The following GABRB2 variants were observed in gnomAD, a reference collection of about 807,000 sequenced individuals.
GABRB2 encodes gamma-aminobutyric acid type A receptor subunit beta2.
A neutral mutation model predicts 54.7 loss-of-function variants in GABRB2; 16 were observed. That is an observed-to-expected ratio of 0.29 (90% CI 0.20 to 0.44). The LOEUF (loss-of-function observed/expected upper bound fraction) is 0.44. Ranked by LOEUF, GABRB2 falls within the 20% of genes least tolerant of loss-of-function variation. The pLI, the probability that GABRB2 is intolerant of heterozygous loss-of-function variation, is 1.00. For missense variants in GABRB2, 355 were observed against 644.0 expected, an observed-to-expected ratio of 0.55 and a Z score of 4.86; for synonymous variants, 244 against 233.8, an observed-to-expected ratio of 1.04 and a Z score of -0.40.
chr5:161,323,798 T>C (rs997169777), intron 9 of GABRB2, among the ~76,000 whole-genome samples: 2 of 152,190 alleles, frequency 1.3e-5, no homozygotes, highest in Non-Finnish European at 2.9e-5. Context: ...ACTGTGTGTA[T>C]GTGTTTATAT....
Position 161,490,036 on chromosome 5 carries a change from C to T in GABRB2, c.238-30192G>A, listed in dbSNP as rs181115661. Reference sequence around the variant, plus strand: ...GTGCTGTAAGCATAGAAGCTGATCACTAGACTTCAGAGAAAAAAAAATCTG... The same window carrying T: ...GTGCTGTAAGCATAGAAGCTGATCATTAGACTTCAGAGAAAAAAAAATCTG... On this transcript the variant is annotated intron_variant, in intron 3 of 9. Coordinates refer to ENST00000393959, the MANE Select transcript of GABRB2 (RefSeq NM_001371727.1). Among the ~76,000 whole-genome samples the T allele has an allele frequency of 8.9e-4, 135 of 151,672 alleles. No individual in the cohort carries two copies. The Middle Eastern group carries it at 0.01, about 11-fold the overall frequency.
intron 5 of GABRB2, among the ~76,000 whole-genome samples, chr5:161,372,351 C>T (rs1296931439): frequency 6.6e-6 from 1 of 152,138 alleles, no homozygotes; most frequent in Non-Finnish European, 1.5e-5. Context: ...GAAGAATGTG[C>T]TCTTTTACTT....
At chr5:161,402,302 A>C (rs1465158470) in intron 5 of GABRB2, among the ~76,000 whole-genome samples, 1 of 152,274 alleles carries the variant, frequency 6.6e-6, no homozygotes, top group Admixed American at 6.5e-5. Context: ...AAAATAAGAT[A>C]TATGTGATAA....
intron 3 of GABRB2, among the ~76,000 whole-genome samples, chr5:161,537,308 T>C (rs1232777112): frequency 6.6e-6 from 1 of 152,208 alleles, no homozygotes; most frequent in Admixed American, 6.5e-5. Context: ...CTGACAATGC[T>C]CAGTTCGTCT....
intron 3 of GABRB2, among the ~76,000 whole-genome samples, chr5:161,463,555 T>TATATATATATA (rs1236064276): frequency 3.4e-4 from 8 of 23,684 alleles, no homozygotes; most frequent in Non-Finnish European, 4.3e-4. Flanking sequence ...ATATTTTTAT[T>TATATATATATA]TATATATATA....
upstream of GABRB2, chr5:161,546,797 T>C (rs1036481066): frequency 1.4e-5 from 19 of 1,405,720 alleles, no homozygotes; most frequent in Non-Finnish European, 1.7e-5. Context: ...GCAGATTTCC[T>C]TGTTTAAAAA....
Position 161,291,176 on chromosome 5 carries a change from CTG to C in GABRB2, c.*2903_*2904del, listed in dbSNP as rs1321993056. 2 of 152,446 alleles carry C rather than the reference CTG, an allele frequency of 1.3e-5. No individual in the cohort carries two copies. The highest frequency in any genetic ancestry group is 1.5e-5 in the Non-Finnish European group (1 of 67,984). The allele number at this position is 152,446 out of a possible 1,614,324, so 9.4% of individuals were successfully genotyped here. The stretch of plus-strand genomic sequence containing the variant: ...ATTGAGATCAAAGATTTCATGTAGA[CTG>C]TGCATTTTAGAGTCAGAATTTGTCC... On this transcript the variant is annotated 3_prime_UTR_variant, in exon 10 of 10. Transcript: ENST00000393959.
chr5:161,307,988 A>G (rs1757745790), intron 9 of GABRB2, among the ~76,000 whole-genome samples: 1 of 151,066 alleles, frequency 6.6e-6, no homozygotes, highest in African/African-American at 2.4e-5. Context: ...CCTCCTGAGT[A>G]GCTGGGACTA....
intron 3 of GABRB2, among the ~76,000 whole-genome samples, chr5:161,461,188 A>G (rs919603893): frequency 2.6e-5 from 4 of 152,202 alleles, no homozygotes; most frequent in Non-Finnish European, 5.9e-5. Context: ...TAATCAGTCT[A>G]GTCTGATCAA....
intron 9 of GABRB2, among the ~76,000 whole-genome samples, chr5:161,309,286 G>T (rs1364321756): frequency 1.3e-5 from 2 of 152,122 alleles, no homozygotes; most frequent in Admixed American, 1.3e-4. Context: ...TTGGAGAAAT[G>T]CAAATCAAAA....
At chr5:161,448,564 T>C (rs1045827898) in intron 4 of GABRB2, among the ~76,000 whole-genome samples, 1 of 152,170 alleles carries the variant, frequency 6.6e-6, no homozygotes, top group Non-Finnish European at 1.5e-5. Context: ...AGTAAAGTTT[T>C]GTATCTTTGG....
chr5:161,393,265 T>C (rs538080420), intron 5 of GABRB2, among the ~76,000 whole-genome samples: 1 of 131,216 alleles, frequency 7.6e-6, no homozygotes, highest in Admixed American at 9.1e-5. Flanking sequence ...ATAAGATTTC[T>C]TTATATTCTC....
At chr5:161,357,416 G>A (rs1482848338) in intron 5 of GABRB2, among the ~76,000 whole-genome samples, 1 of 152,004 alleles carries the variant, frequency 6.6e-6, no homozygotes, top group Non-Finnish European at 1.5e-5. Context: ...TAGAAAATGA[G>A]GTCAGAGAAG....
chr5:161,440,075 AAAAAC>A (rs1757423846), intron 4 of GABRB2, among the ~76,000 whole-genome samples: 1 of 150,710 alleles, frequency 6.6e-6, no homozygotes, highest in Non-Finnish European at 1.5e-5. Flanking sequence ...AAAAAAAAAA[AAAAAC>A]AAAACACATA....
At chr5:161,373,932 T>C (rs1755208080) in intron 5 of GABRB2, among the ~76,000 whole-genome samples, 1 of 152,002 alleles carries the variant, frequency 6.6e-6, no homozygotes, top group Non-Finnish European at 1.5e-5. Flanking sequence ...TATTTTATTT[T>C]ATTTTATTTT....
intron 4 of GABRB2, among the ~76,000 whole-genome samples, chr5:161,431,987 A>G (rs766669014): frequency 3.9e-5 from 6 of 152,220 alleles, no homozygotes; most frequent in Non-Finnish European, 7.3e-5. Flanking sequence ...GAGCAGAGTT[A>G]TACACAGAAT....
chr5:161,459,880 C>T (rs1295278797), intron 3 of GABRB2, 36 bp from the exon 4 acceptor site: 3 of 1,274,084 alleles, frequency 2.4e-6, no homozygotes, highest in African/African-American at 1.5e-5. Context: ...GGTTAGTTTA[C>T]ACCCAGACAG....
intron 8 of GABRB2, among the ~76,000 whole-genome samples, chr5:161,328,682 G>A (rs1362027231): frequency 2.0e-5 from 3 of 152,076 alleles, no homozygotes; most frequent in African/African-American, 7.2e-5. Context: ...TAGACGACAA[G>A]GATATTATTT....
chr5:161,390,762 C>T (rs929693399), intron 5 of GABRB2, among the ~76,000 whole-genome samples: 1 of 152,076 alleles, frequency 6.6e-6, no homozygotes, highest in Non-Finnish European at 1.5e-5. Flanking sequence ...GCCTTTGTTA[C>T]TAGTCTCCAT....
Sources: gnomAD v4.1 joint callset for allele counts (sites outside exome capture counted in the v4.1 genomes callset) on GRCh38, gnomAD v4.1.1 for gene constraint, MANE v1.5 for transcripts, NCBI Gene and HGNC (gene_info 2026-07-23, HGNC 2026-07-21) for gene names.